Variants in CRACD observed in about 807,000 individuals in gnomAD.
The protein encoded by CRACD is capping protein inhibiting regulator of actin dynamics, also known as capping protein-inhibiting regulator of actin dynamics.
In CRACD, 56 loss-of-function variants were observed where a neutral mutation model predicts 106.8. The ratio of observed to expected loss-of-function variants is 0.52; its 90% confidence interval spans 0.42 to 0.66. The LOEUF (loss-of-function observed/expected upper bound fraction) is 0.66. Ranked by LOEUF, CRACD falls within the 30% of genes least tolerant of loss-of-function variation. The pLI is 0.00. For missense variants in CRACD, 1,730 were observed against 1,623.2 expected, an observed-to-expected ratio of 1.07 and a Z score of -1.13; for synonymous variants, 754 against 670.8, an observed-to-expected ratio of 1.12 and a Z score of -1.92.
chr4:56,166,307 T>C (rs560980963), intron 1 of CRACD, among the ~76,000 whole-genome samples: 5 of 152,240 alleles, frequency 3.3e-5, no homozygotes, highest in Non-Finnish European at 7.3e-5. Context: ...AAGATATTTG[T>C]TGCAGTGCTA....
chr4:56,156,885 C>T (rs1324566995), intron 1 of CRACD, among the ~76,000 whole-genome samples: 2 of 152,204 alleles, frequency 1.3e-5, no homozygotes, highest in Non-Finnish European at 2.9e-5. Flanking sequence ...AACCTTCTGC[C>T]TGTACCTATT....
chr4:56,233,176 A>G (rs1739747741), intron 2 of CRACD, among the ~76,000 whole-genome samples: 1 of 152,298 alleles, frequency 6.6e-6, no homozygotes, highest in East Asian at 1.9e-4. Flanking sequence ...TTTGGACTCA[A>G]ATGCTGTGTT....
intron 1 of CRACD, among the ~76,000 whole-genome samples, chr4:56,136,573 CTT>C (rs1560461234): frequency 6.6e-6 from 1 of 152,078 alleles, no homozygotes; most frequent in African/African-American, 2.4e-5. Flanking sequence ...AGTGTCAAGT[CTT>C]TTGCCCATTT....
At chr4:56,210,600 T>C (rs1020793947) in intron 2 of CRACD, among the ~76,000 whole-genome samples, 1 of 152,240 alleles carries the variant, frequency 6.6e-6, no homozygotes, top group African/African-American at 2.4e-5. Context: ...AGAACTTAGA[T>C]TTAAACAAAG....
intron 2 of CRACD, among the ~76,000 whole-genome samples, chr4:56,195,497 AG>A (rs1198441041): frequency 6.6e-6 from 1 of 152,234 alleles, no homozygotes; most frequent in Non-Finnish European, 1.5e-5. Context: ...CATATCAAGT[AG>A]GAAGGTGGGT....
At chr4:56,141,818 C>T (rs918704625) in intron 1 of CRACD, among the ~76,000 whole-genome samples, 2 of 149,920 alleles carry the variant, frequency 1.3e-5, no homozygotes, top group South Asian at 2.1e-4. Flanking sequence ...CTTAGCCTCC[C>T]AAATAGCTGG....
At chr4:56,080,954 T>C (rs1394394998) in intron 1 of CRACD, among the ~76,000 whole-genome samples, 2 of 152,208 alleles carry the variant, frequency 1.3e-5, no homozygotes, top group African/African-American at 4.8e-5. Flanking sequence ...ATCCACTTAC[T>C]TTCTCTTTTA....
rs921702221 is a variant in CRACD at position 56,316,538 on chromosome 4, C to T, written c.3036C>T (p.Asp1012=). Residue 1012 remains aspartate (D), a synonymous_variant, in exon 8 of 11, where the codon GAC becomes GAT. Coordinates refer to ENST00000682029, the MANE Select transcript of CRACD (RefSeq NM_001393381.1). ...EPSKEDQESS[D]RRPPSPPGPE... ...CCAAGGAGGACCAGGAGAGCAGTGA[C>T]CGCCGGCCACCCTCGCCCCCAGGCC... is the stretch of plus-strand genomic sequence containing the variant. 1.9e-6 allele frequency: 3 copies of T among 1,613,368 alleles called. No homozygotes were observed. The highest frequency in any genetic ancestry group is 2.7e-5 in the African/African-American group (2 of 74,904).
intron 8 of CRACD, among the ~76,000 whole-genome samples, chr4:56,319,903 G>A (rs186007301): frequency 5.1e-4 from 78 of 152,240 alleles, no homozygotes; most frequent in Admixed American, 1.0e-3. Flanking sequence ...GCCAGGCACG[G>A]TGGCTCACAC....
rs1737951448 is a variant in CRACD at position 56,202,918 on chromosome 4, A to G, written c.-189+23488A>G. On this transcript the variant is annotated intron_variant, in intron 2 of 10. Transcript: ENST00000682029. ...TTATGGTATCAATTTGAAATTTAAG[A>G]AGATTTTATTTTCACTACAAGAGTT... 2.0e-5 allele frequency among the ~76,000 whole-genome samples: 3 copies of G among 152,184 alleles called. No homozygotes were observed. In the South Asian group the frequency reaches 6.2e-4, roughly 32 times the overall value.
Position 56,071,812 on chromosome 4 carries a change from ATC to A in CRACD, c.-336+22517_-336+22518del, listed in dbSNP as rs1732659014. 2.0e-5 allele frequency among the ~76,000 whole-genome samples: 3 copies of A among 150,966 alleles called. No homozygotes were observed. The South Asian group carries it at 6.5e-4, about 32-fold the overall frequency. On this transcript the variant is annotated intron_variant, in intron 1 of 10. Transcript: ENST00000682029. ...AGGCTTCAGCCACTGCGTCTGGCCAATCTCTTTTATACTTATAAAAGTTTCAG... is the reference window on the plus strand; with the variant it reads ...AGGCTTCAGCCACTGCGTCTGGCCAATCTTTTATACTTATAAAAGTTTCAG...
intron 1 of CRACD, among the ~76,000 whole-genome samples, chr4:56,094,628 A>G (rs1344408139): frequency 6.6e-6 from 1 of 151,958 alleles, no homozygotes; most frequent in Admixed American, 6.6e-5. Flanking sequence ...TAATTTTTGC[A>G]TTTTTAGTAG....
chr4:56,260,622 G>T (rs1234272485), intron 2 of CRACD, among the ~76,000 whole-genome samples: 1 of 152,140 alleles, frequency 6.6e-6, no homozygotes, highest in East Asian at 1.9e-4. Flanking sequence ...TTGACTTTAA[G>T]TAAGGGAGAT....
chr4:56,143,400 A>G (rs1392426244), intron 1 of CRACD, among the ~76,000 whole-genome samples: 2 of 152,142 alleles, frequency 1.3e-5, no homozygotes, highest in East Asian at 1.9e-4. Flanking sequence ...GCTAAAATAT[A>G]TAAAACAATA....
intron 2 of CRACD, among the ~76,000 whole-genome samples, chr4:56,266,891 A>G (rs1458056547): frequency 1.3e-5 from 2 of 152,198 alleles, no homozygotes; most frequent in Admixed American, 1.3e-4. Flanking sequence ...CTTTTTTGAC[A>G]TGAGAGATCT....
intron 1 of CRACD, among the ~76,000 whole-genome samples, chr4:56,166,315 CT>C (rs1317809142): frequency 6.6e-6 from 1 of 152,084 alleles, no homozygotes; most frequent in Non-Finnish European, 1.5e-5. Flanking sequence ...TGTTGCAGTG[CT>C]ATTTTAAAAA....
rs267600195 is a variant in CRACD, at chr4:56,315,617, C to A, written c.2115C>A (p.Ser705=). The change falls in exon 8 of 11, where the codon TCC becomes TCA. Residue 705 remains serine, a synonymous_variant. Transcript: ENST00000682029. This position sits in a 1 kb window ranked among gnomAD's most constrained non-coding sequence, Gnocchi z 4.1. ...CCACTCCCAGGGGCCGGTGTGATTC[C>A]CGCGGGAACCAACGGAAGACTCCGC... The part of the protein sequence containing the change: ...DESTPRGRCD[S]RGNQRKTPPV... The A allele has an allele frequency of 2.5e-6, 4 of 1,614,208 alleles. No individual in the cohort carries two copies. Among genetic ancestry groups the A allele is most frequent in the Non-Finnish European group, 3.4e-6 (4 of 1,180,032 alleles).
chr4:56,056,605 A>AC (rs1553898806), intron 1 of CRACD, among the ~76,000 whole-genome samples: 21 of 151,832 alleles, frequency 1.4e-4, no homozygotes, highest in South Asian at 4.2e-4. Flanking sequence ...AACCAAAAAA[A>AC]AAACAAACAA....
At chr4:56,202,338 C>A (rs1347798477) in intron 2 of CRACD, among the ~76,000 whole-genome samples, 2 of 152,166 alleles carry the variant, frequency 1.3e-5, no homozygotes, top group African/African-American at 4.8e-5. Flanking sequence ...CCACCACCTC[C>A]CGGGTTCAAG....
Sources: allele counts gnomAD v4.1 joint callset (sites outside exome capture counted in the v4.1 genomes callset), GRCh38; gene constraint gnomAD v4.1.1; non-coding constraint Gnocchi (gnomAD v3.1); transcripts MANE v1.5; gene names NCBI Gene and HGNC (gene_info 2026-07-23, HGNC 2026-07-21).